Variants in USP48 observed in about 807,000 individuals in gnomAD.
USP48 encodes ubiquitin carboxyl-terminal hydrolase 48.
Under a neutral mutation model 150.7 loss-of-function variants are expected in USP48, and 43 were observed. The observed-to-expected ratio is 0.29, with a 90% confidence interval of 0.22 to 0.37. USP48 has a LOEUF of 0.37. Among genes scored for constraint, USP48 ranks in the 10% least tolerant of loss-of-function variants. The pLI is 1.00. For synonymous variants in USP48, 396 were observed against 425.9 expected (o/e 0.93, Z 0.86); for missense variants, 813 against 1,249.6 (o/e 0.65, Z 5.27).
At chr1:21,777,124 A>C (rs1247011678) in intron 1 of USP48, among the ~76,000 whole-genome samples, 1 of 151,570 alleles carries the variant, frequency 6.6e-6, no homozygotes, top group African/African-American at 2.4e-5. Context: ...AAAAAAAAAA[A>C]CAAAACACCA....
chr1:21,680,698 T>C (rs2097563383), intron 26 of USP48, 110 bp downstream of exon 26: 3 of 1,060,414 alleles, frequency 2.8e-6, no homozygotes, highest in Non-Finnish European at 2.7e-6. Flanking sequence ...ATTTCAGTCA[T>C]GAGACTCAGA....
In USP48 at chr1:21,689,328, G is replaced by A. The variant is rs1480753855; in HGVS notation, c.3009+646C>T. ...CCAAAAAAAGGAAAAAAAAAAAAGC[G>A]GGGGGCGGGGGGTTGGAGGGCATTG... On this transcript the variant is annotated intron_variant, in intron 24 of 26. Coordinates refer to ENST00000308271, the MANE Select transcript of USP48 (RefSeq NM_032236.8). Among the ~76,000 whole-genome samples, 12 of 147,752 alleles carry A rather than the reference G, an allele frequency of 8.1e-5. No homozygotes were observed. In the South Asian group the frequency reaches 1.7e-3, roughly 21 times the overall value.
chr1:21,731,256 A>C (rs1458908256), intron 9 of USP48, among the ~76,000 whole-genome samples: 1 of 152,092 alleles, frequency 6.6e-6, no homozygotes, highest in Non-Finnish European at 1.5e-5. Context: ...CAAATAAATA[A>C]AATAGCATAT....
chr1:21,713,071 CCTTT>C lies in USP48; in HGVS notation c.1963+2314_1963+2317del, dbSNP rs906582402. On this transcript the variant is annotated intron_variant, in intron 15 of 26. Coordinates refer to ENST00000308271, the MANE Select transcript of USP48 (RefSeq NM_032236.8). Reference sequence around the variant, plus strand: ...CCCTTTCTCATTCCCTCCCTCCCTCCCTTTCTTTCTTTCTCTTTCTCACTCTCTC... The same window carrying C: ...CCCTTTCTCATTCCCTCCCTCCCTCCCTTTCTTTCTCTTTCTCACTCTCTC... Among the ~76,000 whole-genome samples the C allele has an allele frequency of 9.9e-5, 15 of 152,010 alleles. No individual in the cohort carries two copies. In the East Asian group the frequency reaches 1.4e-3, roughly 14 times the overall value.
intron 1 of USP48, among the ~76,000 whole-genome samples, chr1:21,777,931 GCCTGGCCAGCATAGTGAAACCCCGTCT>G (rs1201410882): frequency 6.8e-6 from 1 of 147,404 alleles, no homozygotes; most frequent in East Asian, 2.0e-4. Flanking sequence ...TTTGAGACCA[GCCTGGCCAGCATAGTGAAACCCCGTCT>G]CTACTAAATA....
intron 12 of USP48, among the ~76,000 whole-genome samples, chr1:21,723,285 G>A (rs1035482455): frequency 6.6e-6 from 1 of 152,070 alleles, no homozygotes; most frequent in African/African-American, 2.4e-5. Context: ...TTGGGAGGGC[G>A]AGGTTGAGTG....
At chr1:21,693,836 G>A (rs1187464229) in intron 23 of USP48, among the ~76,000 whole-genome samples, 1 of 152,216 alleles carries the variant, frequency 6.6e-6, no homozygotes, top group African/African-American at 2.4e-5. Context: ...GGGAAATACT[G>A]TTGTCAGGAC....
At chr1:21,680,950 C>T (rs72660363) in intron 25 of USP48, 116 bp from the exon 26 acceptor site, 97,069 of 725,326 alleles carry the variant, frequency 0.13, 7,218 homozygotes, top group Non-Finnish European at 0.15. Flanking sequence ...ACCTTTGTCA[C>T]CTGTAATAAT....
chr1:21,723,745 C>T (rs1370580652), intron 12 of USP48, among the ~76,000 whole-genome samples, 153 bp downstream of exon 12: 2 of 152,170 alleles, frequency 1.3e-5, no homozygotes, highest in Non-Finnish European at 2.9e-5. Context: ...TGCTTAACTT[C>T]TACTTTATTT....
rs150045271 is a variant in USP48, at chr1:21,722,421, C to T, written c.1649-657G>A. ...AGCCATGGTGATGTGTGCCTGTAGTCCTAGCTACTTGGGAAGCTGAGGTGG... is the reference window on the plus strand; with the variant it reads ...AGCCATGGTGATGTGTGCCTGTAGTTCTAGCTACTTGGGAAGCTGAGGTGG... On this transcript the variant is annotated intron_variant, in intron 12 of 26. Coordinates refer to ENST00000308271, the MANE Select transcript of USP48 (RefSeq NM_032236.8). Among the ~76,000 whole-genome samples, 149 of 151,166 alleles carry T rather than the reference C, an allele frequency of 9.9e-4. No individual in the cohort carries two copies. The Middle Eastern group carries it at 0.01, about 11-fold the overall frequency.
At chr1:21,780,738 A>ATTTTTTTTTTT (rs34071636) in intron 1 of USP48, among the ~76,000 whole-genome samples, 1 of 117,452 alleles carries the variant, frequency 8.5e-6, no homozygotes, top group African/African-American at 3.2e-5. Flanking sequence ...AGATAAGATA[A>ATTTTTTTTTTT]TTTTTTTTTT....
At chr1:21,697,399 C>G (rs1397104902) in intron 22 of USP48, among the ~76,000 whole-genome samples, 3 of 152,090 alleles carry the variant, frequency 2.0e-5, no homozygotes. Flanking sequence ...CGTGGTGGCT[C>G]ATGCCTGTAA....
At chr1:21,774,990 AAAATAAATAAATAAAT>A (rs147019343) in intron 1 of USP48, among the ~76,000 whole-genome samples, 130 of 146,142 alleles carry the variant, frequency 8.9e-4, no homozygotes, top group Non-Finnish European at 1.1e-3. Context: ...GACTCTCTCA[AAAATAAATAAATAAAT>A]AAATAAATAA....
intron 8 of USP48, among the ~76,000 whole-genome samples, chr1:21,736,920 C>T (rs977513702): frequency 5.9e-5 from 9 of 152,192 alleles, no homozygotes; most frequent in East Asian, 1.9e-4. Context: ...TACTACACAC[C>T]GTGCTCTTCA....
chr1:21,714,700 G>A (rs1453134177), intron 15 of USP48, among the ~76,000 whole-genome samples: 1 of 152,196 alleles, frequency 6.6e-6, no homozygotes, highest in African/African-American at 2.4e-5. Context: ...CGATCATCTT[G>A]TAAAAGCTAC....
chr1:21,755,705 C>T lies in USP48; in HGVS notation c.412+841G>A, dbSNP rs149539222. Among the ~76,000 whole-genome samples the T allele has an allele frequency of 4.2e-3, 633 of 152,184 alleles. 5 individuals are homozygous for T. The highest frequency in any genetic ancestry group is 0.014 in the African/African-American group (586 of 41,526). On this transcript the variant is annotated intron_variant, in intron 3 of 26. Transcript: ENST00000308271. ...TCTGTAAAATAAAGATAAAATATTA[C>T]TCCTTGGGGTGCAAAGGTTTTGCAG...
At chr1:21,736,330 C>A (rs2097768902) in intron 9 of USP48, 116 bp downstream of exon 9, 20 of 1,087,814 alleles carry the variant, frequency 1.8e-5, no homozygotes, top group Non-Finnish European at 2.4e-5. Flanking sequence ...TTAAGAAATG[C>A]AAATATCCTT....
intron 8 of USP48, among the ~76,000 whole-genome samples, chr1:21,741,241 T>C (rs1040963250): frequency 1.2e-4 from 19 of 152,156 alleles, no homozygotes; most frequent in African/African-American, 4.3e-4. Flanking sequence ...CAAACCAAAA[T>C]TGGTCACAGT....
rs535949341 is a variant in USP48 at position 21,703,638 on chromosome 1, A to C, written c.2516-20T>G. 58 of 1,489,440 alleles carry C rather than the reference A, an allele frequency of 3.9e-5. No individual in the cohort carries two copies. The highest frequency in any genetic ancestry group is 9.5e-5 in the South Asian group (8 of 83,956). The allele number at this position is 1,489,440 out of a possible 1,614,324, so 92.3% of individuals were successfully genotyped here. ...AGAGTTCTTTGGGGGAAAAAAAAAA[A>C]GGGAAAACAGAAGTGGCTGAGGAAT... is the stretch of plus-strand genomic sequence containing the variant. On this transcript the variant is annotated intron_variant, in intron 20 of 26. Transcript: ENST00000308271.
Sources: allele counts gnomAD v4.1 joint callset (sites outside exome capture counted in the v4.1 genomes callset), GRCh38; gene constraint gnomAD v4.1.1; transcripts MANE v1.5; gene names NCBI Gene and HGNC (gene_info 2026-07-23, HGNC 2026-07-21).